MANEA: variants seen among roughly 807,000 people sequenced by gnomAD.
The protein encoded by MANEA is glycoprotein endo-alpha-1,2-mannosidase.
In MANEA, 25 loss-of-function variants were observed where a neutral mutation model predicts 36.8. The ratio of observed to expected loss-of-function variants is 0.68; its 90% CI spans 0.50 to 0.95. The LOEUF is 0.95. MANEA is among the 40% of genes least tolerant of loss of function. The probability of loss-of-function intolerance (pLI) is 0.00; values close to 1 mark genes in which losing one functional copy is unlikely to be tolerated. For synonymous variants in MANEA, 198 were observed against 188.5 expected (o/e 1.05, Z -0.41); for missense variants, 565 against 558.8 (o/e 1.01, Z -0.11).
In MANEA at chr6:95,604,874, G is replaced by A; in HGVS notation, c.702G>A (p.Met234Ile). 6.8e-7 allele frequency: 1 copy of A among 1,471,318 alleles called. No individual in the cohort carries two copies. The highest frequency in any genetic ancestry group is 9.2e-7 in the Non-Finnish European group (1 of 1,086,644). 91.1% of individuals were successfully genotyped at this position (1,471,318 alleles called of 1,614,324 possible). A position where few individuals can be genotyped will look rare whatever the true frequency, so the allele number is the denominator to read the frequency against. The change falls in exon 4 of 5, where the codon ATG becomes ATA. Residue 234 changes from methionine (M) to isoleucine (I), a missense_variant. Coordinates refer to ENST00000358812, the MANE Select transcript of MANEA (RefSeq NM_024641.4). ...ATAGCAATCGAGATGATCAAAACAT[G>A]TACAAAAATGTCAAGTATATTATAG... The part of the protein sequence containing the change: ...EPYSNRDDQN[M>I]YKNVKYIIDK...
chr6:95,605,193 A>T (rs566333739), intron 4 of MANEA, among the ~76,000 whole-genome samples: 75 of 152,230 alleles, frequency 4.9e-4, no homozygotes, highest in Non-Finnish European at 9.1e-4. Flanking sequence ...TATTTTCTAA[A>T]CCTTCAGAAT....
intron 2 of MANEA, among the ~76,000 whole-genome samples, chr6:95,592,763 G>T (rs1426116564): frequency 6.6e-6 from 1 of 152,010 alleles, no homozygotes; most frequent in Non-Finnish European, 1.5e-5. Flanking sequence ...TTTAAAACAG[G>T]CCTTATCCTA....
Position 95,606,852 on chromosome 6 carries a change from T to C in MANEA, c.*447T>C, listed in dbSNP as rs186976193. 1 of 152,392 alleles carries C rather than the reference T, an allele frequency of 6.6e-6. No individual in the cohort carries two copies. The highest frequency in any genetic ancestry group is 6.5e-5 in the Admixed American group (1 of 15,284). The allele number at this position is 152,392 out of a possible 1,614,324, so 9.4% of individuals were successfully genotyped here. A position where few individuals can be genotyped will look rare whatever the true frequency, so the allele number is the denominator to read the frequency against. On this transcript the variant is annotated 3_prime_UTR_variant, in exon 5 of 5. Transcript: ENST00000358812. The stretch of plus-strand genomic sequence containing the variant: ...TAATGTACATGCTTCATGTCATGTC[T>C]TTAAAATAATTTAATCAACTTTATT...
intron 3 of MANEA, among the ~76,000 whole-genome samples, chr6:95,600,843 T>C (rs1340837059): frequency 6.6e-6 from 1 of 152,228 alleles, no homozygotes; most frequent in African/African-American, 2.4e-5. Flanking sequence ...AGTTAAACTT[T>C]TGTTATAGTT....
At position 95,606,040 on chromosome 6, in the gene MANEA, A is replaced by G; in HGVS notation, c.1024A>G (p.Lys342Glu). 6.2e-7 allele frequency: 1 copy of G among 1,614,064 alleles called. No homozygotes were observed. Among genetic ancestry groups the G allele is most frequent in the South Asian group, 1.1e-5 (1 of 91,078 alleles). Residue 342 changes from lysine (K) to glutamate (E), a missense_variant, in exon 5 of 5, where the codon AAA (lysine) becomes GAA (glutamate). Physicochemically the swap from Lys to Glu is moderately conservative, Grantham distance 56. Coordinates refer to ENST00000358812, the MANE Select transcript of MANEA (RefSeq NM_024641.4). ...ATCACATCAGAATTGGGCTAGCCTA[A>G]AATTATTTTGTGATAAATACAACTT... is the stretch of plus-strand genomic sequence containing the variant. Reference protein sequence around the residue: ...GSSHQNWASLKLFCDKYNLIF... With the variant: ...GSSHQNWASLELFCDKYNLIF...
intron 2 of MANEA, among the ~76,000 whole-genome samples, chr6:95,592,061 C>T (rs1273718929): frequency 2.6e-5 from 4 of 152,136 alleles, no homozygotes; most frequent in Non-Finnish European, 5.9e-5. Flanking sequence ...TGTACTAGAA[C>T]TTTGATATTT....
intron 2 of MANEA, among the ~76,000 whole-genome samples, chr6:95,595,432 A>G (rs1335353313): frequency 1.3e-5 from 2 of 152,106 alleles, no homozygotes; most frequent in Non-Finnish European, 2.9e-5. Flanking sequence ...TCTAGTTGCC[A>G]TTCTTATTTT....
chr6:95,577,842 G>A (rs1323362392), intron 1 of MANEA, among the ~76,000 whole-genome samples: 1 of 152,222 alleles, frequency 6.6e-6, no homozygotes, highest in Non-Finnish European at 1.5e-5. Context: ...ATTAACCTAG[G>A]CTGTCACTCT....
chr6:95,585,301 C>G (rs1221626165), intron 1 of MANEA, among the ~76,000 whole-genome samples: 2 of 152,104 alleles, frequency 1.3e-5, no homozygotes, highest in African/African-American at 4.8e-5. Flanking sequence ...GTAAGATTTT[C>G]AGAGTCGTAA....
chr6:95,586,925 TTCTCGGGATCC>T lies in MANEA; in HGVS notation c.488_498del (p.Ser163PhefsTer26), dbSNP rs1240223852. ...TTTATCCTGAATTGGGAAGTTACAG[TTCTCGGGATCC>T]TTCTGTCATAGAAACTCACATGAGA... is the stretch of plus-strand genomic sequence containing the variant. On this transcript the variant is annotated frameshift_variant, in exon 2 of 5. Coordinates refer to ENST00000358812, the MANE Select transcript of MANEA (RefSeq NM_024641.4). LOFTEE classifies it high-confidence loss of function. The T allele has an allele frequency of 1.9e-6, 3 of 1,613,332 alleles. No homozygotes were observed. The highest frequency in any genetic ancestry group is 2.5e-6 in the Non-Finnish European group (3 of 1,179,550).
At chr6:95,587,075 T>G (rs764156083) in intron 2 of MANEA, 92 bp downstream of exon 2, 3 of 751,122 alleles carry the variant, frequency 4.0e-6, no homozygotes, top group Non-Finnish European at 4.5e-6. Context: ...ATTTTCTCAT[T>G]ATTATTAATT....
At chr6:95,580,072 C>T (rs1312073499) in intron 1 of MANEA, among the ~76,000 whole-genome samples, 1 of 152,156 alleles carries the variant, frequency 6.6e-6, no homozygotes, top group Non-Finnish European at 1.5e-5. Context: ...TGTGGTTTTA[C>T]AGCGTTGAAG....
intron 3 of MANEA, among the ~76,000 whole-genome samples, chr6:95,603,187 G>A (rs1427013097): frequency 1.3e-5 from 2 of 151,892 alleles, no homozygotes; most frequent in Non-Finnish European, 2.9e-5. Flanking sequence ...GCTATTTGTT[G>A]TTTGCAGCTG....
chr6:95,589,894 T>G (rs904183902), intron 2 of MANEA: 9 of 152,276 alleles, frequency 5.9e-5, no homozygotes, highest in African/African-American at 2.2e-4. Flanking sequence ...CTTCATTATT[T>G]GGGTACAGCT....
intron 2 of MANEA, among the ~76,000 whole-genome samples, chr6:95,590,859 C>G (rs564688877): frequency 6.6e-5 from 10 of 152,274 alleles, no homozygotes; most frequent in Admixed American, 5.9e-4. Context: ...GTAATTCTGT[C>G]ACATAAGAAA....
chr6:95,583,377 TATAAC>T (rs1255987719), intron 1 of MANEA, among the ~76,000 whole-genome samples: 1 of 152,082 alleles, frequency 6.6e-6, no homozygotes, highest in Non-Finnish European at 1.5e-5. Context: ...TGTATCCATA[TATAAC>T]ATAAGATGCA....
chr6:95,605,758 C>G lies in MANEA; in HGVS notation c.742C>G (p.His248Asp), dbSNP rs749309057. 6.2e-7 allele frequency: 1 copy of G among 1,605,640 alleles called. No individual in the cohort carries two copies. ...ATGCTTATTTTCTAGATATGGAAAT[C>G]ATCCGGCCTTTTACAGGTACAAGAC... ...VKYIIDKYGN[H>D]PAFYRYKTKT... The change falls in exon 5 of 5, where the codon CAT (histidine) becomes GAT (aspartate). Residue 248 changes from histidine to aspartate, a missense_variant. By Grantham distance (81) the His-to-Asp change is moderately conservative. Coordinates refer to ENST00000358812, the MANE Select transcript of MANEA (RefSeq NM_024641.4).
At chr6:95,577,673 G>A (rs1218255791) in intron 1 of MANEA, 35 bp downstream of exon 1, 1 of 152,356 alleles carries the variant, frequency 6.6e-6, no homozygotes, top group East Asian at 1.9e-4. Context: ...TCTTGGAGGC[G>A]GCGGCGCCAG....
chr6:95,605,675 C>A, intron 4 of MANEA, 73 bp from the exon 5 acceptor site: 2 of 1,115,100 alleles, frequency 1.8e-6, no homozygotes, highest in Non-Finnish European at 1.3e-6. Context: ...CCTTCATTTT[C>A]AGTAAACAGT....
Sources: allele counts gnomAD v4.1 joint callset (sites outside exome capture counted in the v4.1 genomes callset), GRCh38; gene constraint gnomAD v4.1.1; transcripts MANE v1.5; gene names NCBI Gene and HGNC (gene_info 2026-07-23, HGNC 2026-07-21).